CD99L2: variants seen among roughly 807,000 people sequenced by gnomAD.
CD99L2 encodes the protein CD99 antigen-like protein 2.
In CD99L2, 24 loss-of-function variants were observed where a neutral mutation model predicts 27.3. That is an observed-to-expected ratio of 0.88 (90% CI 0.64 to 1.24). CD99L2 has a LOEUF of 1.24. Among genes scored for constraint, CD99L2 ranks in the 50% most tolerant of loss-of-function variants. The pLI is 0.00. For synonymous variants in CD99L2, 97 were observed against 87.9 expected, an observed-to-expected ratio of 1.10 and a Z score of -0.58; for missense variants, 255 against 221.6, an observed-to-expected ratio of 1.15 and a Z score of -0.96.
intron 1 of CD99L2, among the ~76,000 whole-genome samples, chrX:150,848,113 C>G (rs1239865694): frequency 9.9e-6 from 1 of 101,299 alleles, no homozygotes; most frequent in African/African-American, 3.6e-5. Context: ...GCCTGCAGGC[C>G]CCCCCCCCCT....
At position 150,795,408 on chromosome X, in the gene CD99L2, G is replaced by C. The variant is rs1444447056; in HGVS notation, c.346+10C>G. 5.0e-6 allele frequency: 6 copies of C among 1,209,131 alleles called. No homozygotes were observed. In the African/African-American group the frequency reaches 8.8e-5, roughly 18 times the overall value. ...TTGCCTTACTACTCTCCTCAGAGCGGCCACCTTACCTAAAGTATTTGCTGG... is the reference window on the plus strand; with the variant it reads ...TTGCCTTACTACTCTCCTCAGAGCGCCCACCTTACCTAAAGTATTTGCTGG... On this transcript the variant is annotated intron_variant, in intron 5 of 10. Coordinates refer to ENST00000370377, the MANE Select transcript of CD99L2 (RefSeq NM_031462.4).
intron 4 of CD99L2, among the ~76,000 whole-genome samples, chrX:150,804,325 T>C (rs782041518): frequency 8.9e-6 from 1 of 111,921 alleles, no homozygotes; most frequent in South Asian, 3.7e-4. Flanking sequence ...AAAGAAGAAA[T>C]CAAAAGGGAA....
chrX:150,888,284 G>A (rs1467661295), intron 1 of CD99L2, among the ~76,000 whole-genome samples: 1 of 112,007 alleles, frequency 8.9e-6, no homozygotes, highest in Non-Finnish European at 1.9e-5. Flanking sequence ...CAACCCAAAT[G>A]TCCATCAGCT....
At chrX:150,788,885 G>A (rs947120051) in intron 7 of CD99L2, among the ~76,000 whole-genome samples, 6 of 111,915 alleles carry the variant, frequency 5.4e-5, no homozygotes, top group South Asian at 3.7e-4. Context: ...CAATGAATGA[G>A]CGTTCTTGTT....
chrX:150,794,781 G>A (rs903385187), intron 6 of CD99L2, among the ~76,000 whole-genome samples: 1 of 111,757 alleles, frequency 8.9e-6, no homozygotes, highest in African/African-American at 3.3e-5. Flanking sequence ...TCTCACGATG[G>A]AATAAAGTGC....
intron 1 of CD99L2, among the ~76,000 whole-genome samples, chrX:150,865,395 C>T (rs2047045628): frequency 9.0e-6 from 1 of 110,614 alleles, no homozygotes; most frequent in Middle Eastern, 4.8e-3. Flanking sequence ...TCTAGCTACT[C>T]GAGAGGCTCA....
intron 7 of CD99L2, among the ~76,000 whole-genome samples, chrX:150,778,470 G>A (rs1228591389): frequency 3.0e-5 from 3 of 101,267 alleles, no homozygotes; most frequent in African/African-American, 1.1e-4. Flanking sequence ...AGGGTGGGGG[G>A]GTATTGATAG....
chrX:150,779,557 G>A (rs1209503090), intron 7 of CD99L2, among the ~76,000 whole-genome samples: 1 of 112,407 alleles, frequency 8.9e-6, no homozygotes, highest in Non-Finnish European at 1.9e-5. Flanking sequence ...CGAGGTCATC[G>A]CTTTGAGCCA....
At chrX:150,776,493 G>A (rs1461582382) in intron 8 of CD99L2, among the ~76,000 whole-genome samples, 200 bp from the exon 9 acceptor site, 1 of 111,792 alleles carries the variant, frequency 8.9e-6, no homozygotes, top group South Asian at 3.8e-4. Context: ...AGGACTTCTC[G>A]TTTTCTGTAA....
rs1264197331 is a variant in CD99L2 at position 150,768,249 on chromosome X, T to G, written c.*785A>C. On this transcript the variant is annotated 3_prime_UTR_variant, in exon 11 of 11. Coordinates refer to ENST00000370377, the MANE Select transcript of CD99L2 (RefSeq NM_031462.4). ...AACTCATCTCCGGTGCAGAAATGAT[T>G]GCTAAAGACCTTTCTCATGTCAACC... 3.6e-5 allele frequency: 4 copies of G among 111,952 alleles called. 1 individual carries two copies. In the Admixed American group the frequency reaches 3.8e-4, roughly 11 times the overall value. The allele number at this position is 111,952 out of a possible 1,213,427, so 9.2% of individuals were successfully genotyped here.
chrX:150,816,474 C>T, intron 2 of CD99L2: 1 of 176,982 alleles, frequency 5.7e-6, no homozygotes, highest in Non-Finnish European at 1.1e-5. Flanking sequence ...ATAGATAATC[C>T]TGCTCAGGGA....
At chrX:150,846,808 G>A (rs1399437559) in intron 1 of CD99L2, among the ~76,000 whole-genome samples, 1 of 112,015 alleles carries the variant, frequency 8.9e-6, no homozygotes, top group Admixed American at 9.4e-5. Flanking sequence ...AAGAATGTAA[G>A]TGATTTGGAC....
chrX:150,770,867 C>T (rs1397346562), intron 9 of CD99L2, among the ~76,000 whole-genome samples: 1 of 112,812 alleles, frequency 8.9e-6, no homozygotes, highest in Non-Finnish European at 1.9e-5. Context: ...GCAACACCCG[C>T]GCGGAGGCCA....
intron 9 of CD99L2, among the ~76,000 whole-genome samples, chrX:150,773,725 T>G (rs978144800): frequency 8.9e-6 from 1 of 112,455 alleles, no homozygotes; most frequent in Non-Finnish European, 1.9e-5. Context: ...ATTGGAATGA[T>G]ATGGCCACAA....
intron 9 of CD99L2, among the ~76,000 whole-genome samples, chrX:150,772,003 G>A (rs187487387): frequency 9.8e-5 from 11 of 112,287 alleles, no homozygotes; most frequent in Middle Eastern, 4.6e-3. Flanking sequence ...GGCCTTCCTC[G>A]CAGCCACCTC....
At chrX:150,815,980 C>T in intron 3 of CD99L2, 27 bp downstream of exon 3, 2 of 1,200,621 alleles carry the variant, frequency 1.7e-6, no homozygotes, top group South Asian at 3.5e-5. Flanking sequence ...CCCTTCCTCA[C>T]TGCCCTCCTT....
chrX:150,868,921 C>T (rs1319907705), intron 1 of CD99L2, among the ~76,000 whole-genome samples: 2 of 112,367 alleles, frequency 1.8e-5, no homozygotes, highest in Non-Finnish European at 3.8e-5. Context: ...GATCAATAAA[C>T]AAAGATGACT....
At chrX:150,853,518 T>TG (rs782082393) in intron 1 of CD99L2, among the ~76,000 whole-genome samples, 1 of 111,313 alleles carries the variant, frequency 9.0e-6, no homozygotes, top group Admixed American at 9.5e-5. Context: ...TAAAGCATAG[T>TG]GTTCGATAAG....
chrX:150,873,575 A>AT (rs782734167), intron 1 of CD99L2, among the ~76,000 whole-genome samples: 3 of 111,964 alleles, frequency 2.7e-5, no homozygotes, highest in Non-Finnish European at 5.6e-5. Context: ...TTATATCTCA[A>AT]TTTTTTTAAA....
Sources: gnomAD v4.1 joint callset for allele counts (sites outside exome capture counted in the v4.1 genomes callset) on GRCh38, gnomAD v4.1.1 for gene constraint, MANE v1.5 for transcripts, NCBI Gene and HGNC (gene_info 2026-07-23, HGNC 2026-07-21) for gene names.